MARCHF10: variants seen among roughly 807,000 people sequenced by gnomAD.
MARCHF10 encodes membrane associated ring-CH-type finger 10.
In MARCHF10, 64 loss-of-function variants were observed where a neutral mutation model predicts 76.2. That is an observed-to-expected ratio of 0.84 (90% CI 0.69 to 1.03). The LOEUF (loss-of-function observed/expected upper bound fraction) is 1.03. Among genes scored for constraint, MARCHF10 ranks in the 50% least tolerant of loss-of-function variants. The pLI is 0.00. For synonymous variants in MARCHF10, 340 were observed against 357.5 expected, an observed-to-expected ratio of 0.95 and a Z score of 0.55; for missense variants, 875 against 958.0, an observed-to-expected ratio of 0.91 and a Z score of 1.14.
intron 5 of MARCHF10, among the ~76,000 whole-genome samples, chr17:62,739,670 C>G (rs1400287995): frequency 6.6e-6 from 1 of 152,064 alleles, no homozygotes; most frequent in Admixed American, 6.5e-5. Context: ...TGTGAGCCAC[C>G]GTGCCCGGCC....
Position 62,740,602 on chromosome 17 carries a change from C to A in MARCHF10, c.536-3270G>T, listed in dbSNP as rs114724409. ...TTCAGAGTGGGTTGCATACTCAAGACCCCAGGGCTGTTTTCATCCTGCAAT... is the reference window on the plus strand; with the variant it reads ...TTCAGAGTGGGTTGCATACTCAAGAACCCAGGGCTGTTTTCATCCTGCAAT... On this transcript the variant is annotated intron_variant, in intron 5 of 10. Coordinates refer to ENST00000311269, the MANE Select transcript of MARCHF10 (RefSeq NM_152598.4). Among the ~76,000 whole-genome samples the A allele has an allele frequency of 4.9e-3, 741 of 152,186 alleles. 5 individuals carry two copies. The highest frequency in any genetic ancestry group is 0.017 in the African/African-American group (716 of 41,532).
chr17:62,742,783 C>T (rs1409014001), intron 5 of MARCHF10, among the ~76,000 whole-genome samples: 1 of 151,584 alleles, frequency 6.6e-6, no homozygotes, highest in Non-Finnish European at 1.5e-5. Context: ...ACTGCAGCCT[C>T]GATGTCCTGA....
At chr17:62,717,994 G>A (rs1461725730) in intron 8 of MARCHF10, among the ~76,000 whole-genome samples, 1 of 152,152 alleles carries the variant, frequency 6.6e-6, no homozygotes, top group Non-Finnish European at 1.5e-5. Flanking sequence ...TGGACTCTAG[G>A]CCAGTCATTG....
At chr17:62,792,512 C>A (rs992957023) in intron 2 of MARCHF10, among the ~76,000 whole-genome samples, 2 of 151,528 alleles carry the variant, frequency 1.3e-5, no homozygotes, top group Non-Finnish European at 2.9e-5. Flanking sequence ...CCATGACTAC[C>A]ATTTCCATCA....
rs201309419 is a variant in MARCHF10 at position 62,743,487 on chromosome 17, C to CA, written c.535+888dup. On this transcript the variant is annotated intron_variant, in intron 5 of 10. Coordinates refer to ENST00000311269, the MANE Select transcript of MARCHF10 (RefSeq NM_152598.4). ...GTGAAACCCTGTCTCTACCAAGATA[C>CA]AAAAAATTAGCCGGGCATGGTGGTG... is the stretch of plus-strand genomic sequence containing the variant. Among the ~76,000 whole-genome samples the CA allele has an allele frequency of 9.6e-3, 1,463 of 152,068 alleles. 29 individuals are homozygous for CA. Among genetic ancestry groups the CA allele is most frequent in the African/African-American group, 0.032 (1,337 of 41,472 alleles).
chr17:62,796,962 C>T (rs938875643), intron 2 of MARCHF10, among the ~76,000 whole-genome samples: 3 of 151,992 alleles, frequency 2.0e-5, no homozygotes, highest in Non-Finnish European at 4.4e-5. Flanking sequence ...CACTGCACCC[C>T]GACCTGGGCA....
chr17:62,762,767 A>C (rs890159005), intron 3 of MARCHF10, among the ~76,000 whole-genome samples: 33 of 152,188 alleles, frequency 2.2e-4, no homozygotes, highest in African/African-American at 7.7e-4. Flanking sequence ...GCTGGTCTCG[A>C]ACCCCTGAGC....
At chr17:62,794,142 C>G (rs2092944657) in intron 2 of MARCHF10, among the ~76,000 whole-genome samples, 1 of 99,200 alleles carries the variant, frequency 1.0e-5, no homozygotes, top group Non-Finnish European at 2.0e-5. Context: ...ACCACCAAAA[C>G]AGTCACCACC....
Position 62,736,349 on chromosome 17 carries a change from AC to A in MARCHF10, c.1518del (p.His508MetfsTer26). ...VHSSDSEGNS[G>X]FHVCQPLSPI... ...GGAGACAGTGGTTGGCAAACATGAA[AC>A]CCTGAGTTTCCCTCTGAGTCTGAGC... On this transcript the variant is annotated frameshift_variant, in exon 6 of 11. Transcript: ENST00000311269. LOFTEE classifies it high-confidence loss of function. The A allele has an allele frequency of 1.2e-6, 2 of 1,614,156 alleles. No homozygotes were observed. The highest frequency in any genetic ancestry group is 1.7e-6 in the Non-Finnish European group (2 of 1,180,032).
intron 4 of MARCHF10, among the ~76,000 whole-genome samples, chr17:62,747,391 A>C (rs1446599940): frequency 6.6e-6 from 1 of 152,204 alleles, no homozygotes; most frequent in Non-Finnish European, 1.5e-5. Flanking sequence ...TGTGTCCTCT[A>C]ATCAAGTTCT....
chr17:62,778,832 G>A (rs2092602706), intron 3 of MARCHF10, among the ~76,000 whole-genome samples: 1 of 152,140 alleles, frequency 6.6e-6, no homozygotes, highest in South Asian at 2.1e-4. Flanking sequence ...AGAAAGAGAA[G>A]GCAGAGTCTA....
chr17:62,748,932 G>A (rs528085941), intron 4 of MARCHF10, among the ~76,000 whole-genome samples: 1 of 152,188 alleles, frequency 6.6e-6, no homozygotes, highest in Non-Finnish European at 1.5e-5. Context: ...CAGGTAGCAG[G>A]ACAAGCCCTT....
chr17:62,730,288 G>A (rs1568122739), intron 6 of MARCHF10, among the ~76,000 whole-genome samples: 3 of 152,224 alleles, frequency 2.0e-5, no homozygotes, highest in African/African-American at 4.8e-5. Context: ...ATTTCACGCA[G>A]TGAAAGTCCG....
intron 5 of MARCHF10, among the ~76,000 whole-genome samples, chr17:62,741,147 C>T (rs1200304313): frequency 2.0e-5 from 3 of 152,072 alleles, no homozygotes; most frequent in Non-Finnish European, 4.4e-5. Context: ...AGCATTATGC[C>T]ATGCCATTAG....
intron 1 of MARCHF10, chr17:62,806,354 G>A (rs1168541823): frequency 6.6e-6 from 1 of 152,236 alleles, no homozygotes; most frequent in Non-Finnish European, 1.5e-5. Context: ...CAGAGGGTTG[G>A]GGTGGGGGTG....
intron 2 of MARCHF10, among the ~76,000 whole-genome samples, chr17:62,794,091 C>T (rs922067739): frequency 2.0e-5 from 3 of 150,672 alleles, no homozygotes; most frequent in African/African-American, 4.9e-5. Context: ...CCACAACCAT[C>T]GCCACCACCC....
chr17:62,790,095 G>A (rs113872503), intron 2 of MARCHF10, among the ~76,000 whole-genome samples: 1 of 152,096 alleles, frequency 6.6e-6, no homozygotes, highest in African/African-American at 2.4e-5. Flanking sequence ...TATTTCTCCT[G>A]TAGTACTAGG....
intron 2 of MARCHF10, among the ~76,000 whole-genome samples, chr17:62,791,341 G>A (rs2092838805): frequency 6.6e-6 from 1 of 152,232 alleles, no homozygotes; most frequent in Non-Finnish European, 1.5e-5. Context: ...AAAGGCAAAA[G>A]AAGAAAATGC....
chr17:62,744,840 C>A (rs894404214), intron 4 of MARCHF10, among the ~76,000 whole-genome samples: 1 of 151,650 alleles, frequency 6.6e-6, no homozygotes, highest in Non-Finnish European at 1.5e-5. Context: ...ATGGTGAAAC[C>A]CCATCTCTAC....
Sources: gnomAD v4.1 joint callset for allele counts (sites outside exome capture counted in the v4.1 genomes callset) on GRCh38, gnomAD v4.1.1 for gene constraint, MANE v1.5 for transcripts, NCBI Gene and HGNC (gene_info 2026-07-23, HGNC 2026-07-21) for gene names.